MIPEP: variants seen among roughly 807,000 people sequenced by gnomAD.
MIPEP encodes the protein mitochondrial intermediate peptidase.
MIPEP carries 79 observed loss-of-function variants against 90.3 expected under a neutral mutation model. That is an observed-to-expected ratio of 0.87 (90% CI 0.73 to 1.05). MIPEP has a LOEUF of 1.05. MIPEP is among the 50% of genes least tolerant of loss of function. The probability of loss-of-function intolerance (pLI) is 0.00; values close to 1 mark genes in which losing one functional copy is unlikely to be tolerated. For missense variants in MIPEP, 940 were observed against 905.6 expected (o/e 1.04, Z -0.49); for synonymous variants, 334 against 315.8 (o/e 1.06, Z -0.61).
At chr13:23,777,237 A>G (rs1952728616) in intron 16 of MIPEP, among the ~76,000 whole-genome samples, 1 of 152,196 alleles carries the variant, frequency 6.6e-6, no homozygotes, top group East Asian at 1.9e-4. Flanking sequence ...CTAACATGGT[A>G]GCATCAGAAT....
intron 18 of MIPEP, among the ~76,000 whole-genome samples, chr13:23,750,010 G>A (rs1952423891): frequency 6.6e-6 from 1 of 152,110 alleles, no homozygotes; most frequent in Non-Finnish European, 1.5e-5. Flanking sequence ...GAAACATGGT[G>A]GAGTCAAGGT....
chr13:23,804,546 A>G (rs1953084010), intron 16 of MIPEP, among the ~76,000 whole-genome samples: 1 of 152,232 alleles, frequency 6.6e-6, no homozygotes, highest in Admixed American at 6.5e-5. Context: ...TGGCAGTAGA[A>G]AGTATTAGAA....
chr13:23,769,738 T>C (rs906752507), intron 16 of MIPEP, among the ~76,000 whole-genome samples: 76 of 152,168 alleles, frequency 5.0e-4, no homozygotes, highest in African/African-American at 1.8e-3. Context: ...AATGGGACAA[T>C]TTGATGTCAC....
At chr13:23,740,815 G>C (rs973582100) in intron 18 of MIPEP, among the ~76,000 whole-genome samples, 3 of 152,228 alleles carry the variant, frequency 2.0e-5, no homozygotes, top group Admixed American at 6.5e-5. Context: ...GTGTGAGGGG[G>C]ATAGGAAGAT....
At chr13:23,760,297 G>T in intron 16 of MIPEP, 80 bp from the exon 17 acceptor site, 2 of 1,565,702 alleles carry the variant, frequency 1.3e-6, no homozygotes, top group Non-Finnish European at 8.8e-7. Context: ...ACACAGTGGA[G>T]ACACAGAGAG....
At chr13:23,762,083 C>T (rs1402896871) in intron 16 of MIPEP, among the ~76,000 whole-genome samples, 1 of 151,966 alleles carries the variant, frequency 6.6e-6, no homozygotes, top group East Asian at 1.9e-4. Flanking sequence ...TAAGATCGCA[C>T]CACTGCACTC....
chr13:23,756,750 T>C, intron 17 of MIPEP, 132 bp from the exon 18 acceptor site: 1 of 769,504 alleles, frequency 1.3e-6, no homozygotes, highest in Non-Finnish European at 2.1e-6. Flanking sequence ...TTGGCCCCTA[T>C]TTTCTTGCTT....
chr13:23,746,073 G>A (rs1349272546), intron 18 of MIPEP, among the ~76,000 whole-genome samples: 4 of 142,888 alleles, frequency 2.8e-5, no homozygotes, highest in African/African-American at 5.2e-5. Context: ...GGAGTGTAAC[G>A]GCACAATCTT....
Position 23,806,027 on chromosome 13 carries a change from G to A in MIPEP, c.1771C>T (p.Pro591Ser), listed in dbSNP as rs370256287. The A allele has an allele frequency of 1.2e-6, 2 of 1,613,260 alleles. No homozygotes were observed. Among genetic ancestry groups the A allele is most frequent in the Non-Finnish European group, 1.7e-6 (2 of 1,179,418 alleles). Residue 591 changes from proline (P) to serine (S), a missense_variant, in exon 16 of 19, where the codon CCC becomes TCC. Physicochemically the swap from Pro to Ser is moderately conservative, Grantham distance 74 (BLOSUM62 -1). Coordinates refer to ENST00000382172, the MANE Select transcript of MIPEP (RefSeq NM_005932.4). ...ATGTCTGTGGTTGAATTCCTCAGGG[G>A]ATGCTTCCCATGGTAGATTTGATCC... is the stretch of plus-strand genomic sequence containing the variant. ...TLDQIYHGKH[P>S]LRNSTTDILK...
At chr13:23,741,167 T>C (rs1443677165) in intron 18 of MIPEP, among the ~76,000 whole-genome samples, 1 of 152,046 alleles carries the variant, frequency 6.6e-6, no homozygotes, top group Non-Finnish European at 1.5e-5. Flanking sequence ...GTCAAAAAAA[T>C]AACAGATGCT....
At chr13:23,871,997 T>C (rs975504493) in intron 5 of MIPEP, among the ~76,000 whole-genome samples, 2 of 152,224 alleles carry the variant, frequency 1.3e-5, no homozygotes, top group Non-Finnish European at 2.9e-5. Flanking sequence ...ACTGAGTTCA[T>C]GCCAACTTCA....
chr13:23,825,042 T>C (rs548326361), intron 14 of MIPEP, among the ~76,000 whole-genome samples: 3 of 152,308 alleles, frequency 2.0e-5, no homozygotes, highest in Admixed American at 2.0e-4. Flanking sequence ...TCCAAAAATT[T>C]TGAGGCAGGT....
chr13:23,851,459 A>C (rs1869794341), intron 10 of MIPEP, among the ~76,000 whole-genome samples: 1 of 152,236 alleles, frequency 6.6e-6, no homozygotes, highest in African/African-American at 2.4e-5. Context: ...AGAATTGGTA[A>C]TTAAAAAGAA....
intron 10 of MIPEP, among the ~76,000 whole-genome samples, chr13:23,844,175 G>A (rs16765): frequency 0.57 from 32,468 of 57,354 alleles, 5,208 homozygotes; most frequent in African/African-American, 0.6. Context: ...AGGGCGATGC[G>A]GGCAGAGAAG....
chr13:23,753,559 A>C (rs1952463004), intron 18 of MIPEP, among the ~76,000 whole-genome samples: 1 of 152,248 alleles, frequency 6.6e-6, no homozygotes, highest in Non-Finnish European at 1.5e-5. Flanking sequence ...CTTCTGAATA[A>C]ATACCTTGCA....
At chr13:23,767,470 G>A (rs80173110) in intron 16 of MIPEP, among the ~76,000 whole-genome samples, 1 of 101,786 alleles carries the variant, frequency 9.8e-6, no homozygotes, top group Non-Finnish European at 2.2e-5. Flanking sequence ...TTTTTTTTTT[G>A]AGACGAAGTC....
chr13:23,873,364 C>T (rs1870918984), intron 5 of MIPEP, among the ~76,000 whole-genome samples: 2 of 152,220 alleles, frequency 1.3e-5, no homozygotes, highest in South Asian at 2.1e-4. Flanking sequence ...TTTATGAAAA[C>T]TAATCCAGTG....
chr13:23,831,568 G>A (rs1016063438), intron 14 of MIPEP, among the ~76,000 whole-genome samples: 25 of 152,146 alleles, frequency 1.6e-4, no homozygotes, highest in African/African-American at 6.0e-4. Context: ...ATCAAAGCAT[G>A]GCAGAGAAAT....
intron 16 of MIPEP, among the ~76,000 whole-genome samples, chr13:23,781,136 C>G (rs1349832026): frequency 6.6e-6 from 1 of 152,054 alleles, no homozygotes; most frequent in East Asian, 1.9e-4. Flanking sequence ...AAGAGCAACT[C>G]CAAGACACAT....
Sources: gnomAD v4.1 joint callset for allele counts (sites outside exome capture counted in the v4.1 genomes callset) on GRCh38, gnomAD v4.1.1 for gene constraint, MANE v1.5 for transcripts, NCBI Gene and HGNC (gene_info 2026-07-23, HGNC 2026-07-21) for gene names.